The following CISTR variants were observed in gnomAD, a reference collection of about 807,000 sequenced individuals.
The protein encoded by CISTR is chondrogenesis-associated transcript.
intron 1 of CISTR, among the ~76,000 whole-genome samples, chr12:53,753,655 A>T (rs1937882312): frequency 6.8e-6 from 1 of 147,796 alleles, no homozygotes; most frequent in Non-Finnish European, 1.5e-5. Flanking sequence ...ATGGGGAAGG[A>T]ATGCATAGGG....
rs749483111 is a variant in CISTR, at chr12:53,756,483, C to G, written n.414+331G>C. Among the ~76,000 whole-genome samples the G allele has an allele frequency of 1.3e-5, 2 of 152,120 alleles. No individual in the cohort carries two copies. The highest frequency in any genetic ancestry group is 4.8e-5 in the African/African-American group (2 of 41,412). On this transcript the variant is annotated intron_variant and non_coding_transcript_variant, in intron 1 of 2. Transcript: ENST00000669269. The surrounding 1 kb of genome is among the most constrained non-coding windows in gnomAD (Gnocchi z 4.0). Reference sequence around the variant, plus strand: ...TGTTGCTCAGGCTAGGCCTTGAAATCCTGGGCTCAGGCGATCCTCCTGCCT... The same window carrying G: ...TGTTGCTCAGGCTAGGCCTTGAAATGCTGGGCTCAGGCGATCCTCCTGCCT...
At chr12:53,748,116 A>G (rs567238618) in intron 2 of CISTR, among the ~76,000 whole-genome samples, 1 of 152,312 alleles carries the variant, frequency 6.6e-6, no homozygotes, top group South Asian at 2.1e-4. Flanking sequence ...CCGAGAGGCC[A>G]GGGGAGCAGG....
Position 53,751,549 on chromosome 12 carries a change from C to T in CISTR, n.415-584G>A, listed in dbSNP as rs1312367104. 6.6e-6 allele frequency among the ~76,000 whole-genome samples: 1 copy of T among 152,174 alleles called. No homozygotes were observed. The highest frequency in any genetic ancestry group is 1.5e-5 in the Non-Finnish European group (1 of 68,030). On this transcript the variant is annotated intron_variant and non_coding_transcript_variant, in intron 1 of 2. Transcript: ENST00000669269. The surrounding 1 kb of genome is among the most constrained non-coding windows in gnomAD (Gnocchi z 4.6). Reference sequence around the variant, plus strand: ...AAGCTAAACGAGGCGCGCAGGACTCCCTGGTGGGCCCTCAGCCTCCTCCGC... The same window carrying T: ...AAGCTAAACGAGGCGCGCAGGACTCTCTGGTGGGCCCTCAGCCTCCTCCGC...
intron 2 of CISTR, among the ~76,000 whole-genome samples, chr12:53,748,706 C>T (rs1231378739): frequency 6.6e-6 from 1 of 152,192 alleles, no homozygotes; most frequent in African/African-American, 2.4e-5. Flanking sequence ...GAGCCAAAGG[C>T]ACACTGACCC....
At chr12:53,754,915 C>T (rs1477653173) in intron 1 of CISTR, among the ~76,000 whole-genome samples, 1 of 152,176 alleles carries the variant, frequency 6.6e-6, no homozygotes, top group African/African-American at 2.4e-5. Context: ...TCTTTTGTGT[C>T]TTCCTTCTCA....
intron 1 of CISTR, among the ~76,000 whole-genome samples, chr12:53,753,561 AAAG>A (rs1937880861): frequency 6.6e-6 from 1 of 152,164 alleles, no homozygotes; most frequent in Non-Finnish European, 1.5e-5. Context: ...AGCAAAACTG[AAAG>A]AAGAGAACTA....
intron 1 of CISTR, among the ~76,000 whole-genome samples, chr12:53,755,305 T>TGG (rs1364627282): frequency 3.5e-4 from 40 of 113,496 alleles, no homozygotes; most frequent in Admixed American, 1.0e-3. Context: ...TTTTCCTGTT[T>TGG]GGGGTGTGTG....
intron 2 of CISTR, among the ~76,000 whole-genome samples, chr12:53,747,712 C>T (rs116046773): frequency 0.014 from 2,202 of 152,150 alleles, 62 homozygotes; most frequent in African/African-American, 0.05. Context: ...TAGGAGCTGA[C>T]CATTTTACTG....
At position 53,751,739 on chromosome 12, in the gene CISTR, G is replaced by T. The variant is rs1031251682; in HGVS notation, n.415-774C>A. On this transcript the variant is annotated intron_variant and non_coding_transcript_variant, in intron 1 of 2. Coordinates refer to ENST00000669269, the Ensembl canonical transcript of CISTR. This position sits in a 1 kb window ranked among gnomAD's most constrained non-coding sequence, Gnocchi z 4.6. ...GCGGGCCGGTTCCCGCCCGCCCGGG[G>T]CCGCGGCTTCCGCATTTCTGCACCA... The T allele has an allele frequency of 6.6e-6, 1 of 152,190 alleles. No homozygotes were observed. The highest frequency in any genetic ancestry group is 2.4e-5 in the African/African-American group (1 of 41,380). The allele number at this position is 152,190 out of a possible 1,614,324, so 9.4% of individuals were successfully genotyped here.
exon 2 of CISTR, chr12:53,750,885 C>T (rs941965906): frequency 2.6e-5 from 4 of 153,094 alleles, no homozygotes; most frequent in African/African-American, 9.6e-5. Flanking sequence ...CAAGCATTGC[C>T]GTCTGTCTCT....
chr12:53,747,776 G>A (rs886810097), intron 2 of CISTR, among the ~76,000 whole-genome samples: 5 of 152,042 alleles, frequency 3.3e-5, no homozygotes, highest in Admixed American at 6.5e-5. Context: ...GATAAAAGAC[G>A]CACTCCACCT....
chr12:53,753,846 A>C (rs60252769), intron 1 of CISTR, among the ~76,000 whole-genome samples: 2,733 of 134,806 alleles, frequency 0.02, 29 homozygotes, highest in African/African-American at 0.053. Flanking sequence ...ATAGGATAGC[A>C]GTGGTGGTAG....
intron 1 of CISTR, among the ~76,000 whole-genome samples, chr12:53,755,402 C>A (rs1182472402): frequency 6.6e-6 from 1 of 151,344 alleles, no homozygotes; most frequent in East Asian, 1.9e-4. Flanking sequence ...ATTTACCAAC[C>A]CTAACTCAAA....
In CISTR at chr12:53,751,815, G is replaced by C. The variant is rs776600279; in HGVS notation, n.415-850C>G. 1.3e-5 allele frequency: 2 copies of C among 152,536 alleles called. No homozygotes were observed. The highest frequency in any genetic ancestry group is 4.8e-5 in the African/African-American group (2 of 41,418). 9.4% of individuals were successfully genotyped at this position (152,536 alleles called of 1,614,324 possible). On this transcript the variant is annotated intron_variant and non_coding_transcript_variant, in intron 1 of 2. Transcript: ENST00000669269. The surrounding 1 kb of genome is among the most constrained non-coding windows in gnomAD (Gnocchi z 4.6). Reference sequence around the variant, plus strand: ...GAGATGACGCTCCCTCCCCACACCAGAGCGGCCGGCTGGAGAGTCTAGCTT... The same window carrying C: ...GAGATGACGCTCCCTCCCCACACCACAGCGGCCGGCTGGAGAGTCTAGCTT...
At chr12:53,753,467 G>C (rs1045007742) in intron 1 of CISTR, among the ~76,000 whole-genome samples, 1 of 152,208 alleles carries the variant, frequency 6.6e-6, no homozygotes, top group Non-Finnish European at 1.5e-5. Flanking sequence ...GACCAAACAA[G>C]AAAGGGTGGA....
intron 1 of CISTR, among the ~76,000 whole-genome samples, chr12:53,753,889 G>C (rs760868599): frequency 6.6e-6 from 1 of 152,168 alleles, no homozygotes; most frequent in Non-Finnish European, 1.5e-5. Flanking sequence ...ATGTCCTGCT[G>C]TTGTAGCTCT....
At chr12:53,746,507 A>G (rs1420390543) in exon 3 of CISTR, among the ~76,000 whole-genome samples, 1 of 152,128 alleles carries the variant, frequency 6.6e-6, no homozygotes, top group Non-Finnish European at 1.5e-5. Context: ...TATACCATGA[A>G]GGAAAAGCCA....
Position 53,751,660 on chromosome 12 carries a change from G to A in CISTR, n.415-695C>T, listed in dbSNP as rs1390627072. ...CGGGAGTGGGGTCGGGGGTGCGTGC[G>A]GGTGCGATCCGGGCCTGCAGGGTGC... On this transcript the variant is annotated intron_variant and non_coding_transcript_variant, in intron 1 of 2. Transcript: ENST00000669269. The surrounding 1 kb of genome is among the most constrained non-coding windows in gnomAD (Gnocchi z 4.6). The A allele has an allele frequency of 1.3e-5, 2 of 152,090 alleles. No individual in the cohort carries two copies. The highest frequency in any genetic ancestry group is 6.6e-5 in the Admixed American group (1 of 15,260). The allele number at this position is 152,090 out of a possible 1,614,324, so 9.4% of individuals were successfully genotyped here.
chr12:53,753,625 A>G (rs1341144019), intron 1 of CISTR, among the ~76,000 whole-genome samples: 1 of 151,600 alleles, frequency 6.6e-6, no homozygotes, highest in East Asian at 1.9e-4. Flanking sequence ...AGGGATGGCT[A>G]ATGTGAACCT....
Sources: allele counts gnomAD v4.1 joint callset (sites outside exome capture counted in the v4.1 genomes callset), GRCh38; gene constraint gnomAD v4.1.1; non-coding constraint Gnocchi (gnomAD v3.1); transcripts MANE v1.5; gene names NCBI Gene and HGNC (gene_info 2026-07-23, HGNC 2026-07-21).